The following PLCXD3 variants were observed in gnomAD, a reference collection of about 807,000 sequenced individuals.
PLCXD3 encodes phosphatidylinositol specific phospholipase C X domain containing 3.
Under a neutral mutation model 25.5 loss-of-function variants are expected in PLCXD3, and 19 were observed. The ratio of observed to expected loss-of-function variants is 0.75; its 90% CI spans 0.52 to 1.09. PLCXD3 has a LOEUF of 1.09. Ranked by LOEUF, PLCXD3 falls within the 50% of genes least tolerant of loss-of-function variation. The pLI is 0.00. For missense variants in PLCXD3, 411 were observed against 388.1 expected (o/e 1.06, Z -0.50); for synonymous variants, 174 against 137.6 (o/e 1.26, Z -1.85).
intron 1 of PLCXD3, among the ~76,000 whole-genome samples, chr5:41,476,276 A>G (rs1439159806): frequency 6.6e-6 from 1 of 152,172 alleles, no homozygotes; most frequent in Non-Finnish European, 1.5e-5. Flanking sequence ...GAAAGGCTTT[A>G]TTACAAGGTT....
chr5:41,492,234 A>C (rs373991785), intron 1 of PLCXD3, among the ~76,000 whole-genome samples: 82 of 148,026 alleles, frequency 5.5e-4, no homozygotes, highest in African/African-American at 1.2e-3. Context: ...GTTGAAAATT[A>C]TTTTCTTTAA....
chr5:41,397,822 G>A (rs367772122), intron 1 of PLCXD3, among the ~76,000 whole-genome samples: 1 of 152,166 alleles, frequency 6.6e-6, no homozygotes, highest in Admixed American at 6.5e-5. Context: ...TAGAGTCAAC[G>A]GGGATTATTT....
intron 2 of PLCXD3, among the ~76,000 whole-genome samples, chr5:41,333,119 A>G (rs1743879327): frequency 6.6e-6 from 1 of 151,176 alleles, no homozygotes; most frequent in Non-Finnish European, 1.5e-5. Context: ...ATAAAATAAA[A>G]GACAAAAACA....
intron 2 of PLCXD3, among the ~76,000 whole-genome samples, chr5:41,379,030 G>A (rs528264809): frequency 1.3e-5 from 2 of 152,230 alleles, no homozygotes; most frequent in African/African-American, 4.8e-5. Flanking sequence ...TTTAATACAA[G>A]CAAGTGTTTT....
At chr5:41,485,317 CT>C (rs767504237) in intron 1 of PLCXD3, among the ~76,000 whole-genome samples, 23 of 152,280 alleles carry the variant, frequency 1.5e-4, no homozygotes, top group Non-Finnish European at 2.6e-4. Flanking sequence ...CCATAAGCCT[CT>C]CTTTATACAC....
At chr5:41,482,703 A>G (rs926546756) in intron 1 of PLCXD3, among the ~76,000 whole-genome samples, 2 of 152,226 alleles carry the variant, frequency 1.3e-5, no homozygotes, top group African/African-American at 2.4e-5. Flanking sequence ...GCAGAAAACT[A>G]CAGGGCAAAA....
At chr5:41,419,696 G>A (rs1746773619) in intron 1 of PLCXD3, among the ~76,000 whole-genome samples, 1 of 152,100 alleles carries the variant, frequency 6.6e-6, no homozygotes, top group South Asian at 2.1e-4. Context: ...GAATTAGATT[G>A]CCCCAGTCCC....
chr5:41,344,978 A>T (rs888127535), intron 2 of PLCXD3, among the ~76,000 whole-genome samples: 7 of 152,262 alleles, frequency 4.6e-5, no homozygotes, highest in African/African-American at 1.7e-4. Flanking sequence ...TGCAGATGTT[A>T]GCAAGTAATC....
intron 1 of PLCXD3, among the ~76,000 whole-genome samples, chr5:41,438,998 G>A (rs1561273833): frequency 6.6e-6 from 1 of 152,102 alleles, no homozygotes; most frequent in Admixed American, 6.6e-5. Flanking sequence ...TTTAATGTAG[G>A]AGAGCCCCGG....
chr5:41,473,556 C>T (rs1382885135), intron 1 of PLCXD3, among the ~76,000 whole-genome samples: 1 of 152,068 alleles, frequency 6.6e-6, no homozygotes, highest in Non-Finnish European at 1.5e-5. Context: ...CATTCTCCTG[C>T]CTCAGCCTCC....
At chr5:41,468,002 C>G (rs1748062962) in intron 1 of PLCXD3, among the ~76,000 whole-genome samples, 1 of 134,788 alleles carries the variant, frequency 7.4e-6, no homozygotes, top group Non-Finnish European at 1.5e-5. Flanking sequence ...ATACTACCAG[C>G]TTTATTCTTT....
chr5:41,390,765 C>G (rs318846), intron 1 of PLCXD3, among the ~76,000 whole-genome samples: 103,022 of 151,954 alleles, frequency 0.68, 35,799 homozygotes, highest in Middle Eastern at 0.83. Context: ...AATCAGATGA[C>G]CACTCATAGC....
At chr5:41,316,705 C>G (rs976362073) in intron 2 of PLCXD3, among the ~76,000 whole-genome samples, 2 of 152,108 alleles carry the variant, frequency 1.3e-5, no homozygotes, top group Non-Finnish European at 2.9e-5. Context: ...AAGGGAACAT[C>G]AGTGGTAGTC....
intron 2 of PLCXD3, among the ~76,000 whole-genome samples, chr5:41,330,121 A>G (rs1445099958): frequency 6.6e-6 from 1 of 152,112 alleles, no homozygotes; most frequent in Non-Finnish European, 1.5e-5. Context: ...TCCAAAATCA[A>G]TTCATTAATT....
Position 41,346,982 on chromosome 5 carries a change from G to A in PLCXD3, c.813-33212C>T, listed in dbSNP as rs542371232. Among the ~76,000 whole-genome samples, 124 of 152,302 alleles carry A rather than the reference G, an allele frequency of 8.1e-4. No homozygotes were observed. The Middle Eastern group carries it at 0.01, about 13-fold the overall frequency. ...TATCAACATCCACGTGCAGGTTTTT[G>A]TATGGATATAAGTTTGCAATTCATT... On this transcript the variant is annotated intron_variant, in intron 2 of 2. Coordinates refer to ENST00000377801, the MANE Select transcript of PLCXD3 (RefSeq NM_001005473.3).
At chr5:41,475,206 T>C (rs1039110805) in intron 1 of PLCXD3, among the ~76,000 whole-genome samples, 1 of 152,210 alleles carries the variant, frequency 6.6e-6, no homozygotes, top group African/African-American at 2.4e-5. Context: ...TTCCCCTTCT[T>C]TGTATCTCTA....
chr5:41,510,582 G>T lies in PLCXD3; in HGVS notation c.-56C>A. The T allele has an allele frequency of 7.4e-7, 1 of 1,348,990 alleles. No homozygotes were observed. Among genetic ancestry groups the T allele is most frequent in the Non-Finnish European group, 1.0e-6 (1 of 954,320 alleles). 83.6% of individuals were successfully genotyped at this position (1,348,990 alleles called of 1,614,324 possible). A position where few individuals can be genotyped will look rare whatever the true frequency, so the allele number is the denominator to read the frequency against. On this transcript the variant is annotated 5_prime_UTR_variant, in exon 1 of 3. Coordinates refer to ENST00000377801, the MANE Select transcript of PLCXD3 (RefSeq NM_001005473.3). ...CAGCACTCCTCGGGCAGGCTGGCAG[G>T]CTGCTGCCGCTAATCCAATGTTTGC...
chr5:41,327,190 G>A (rs895984119), intron 2 of PLCXD3, among the ~76,000 whole-genome samples: 1 of 152,142 alleles, frequency 6.6e-6, no homozygotes, highest in African/African-American at 2.4e-5. Flanking sequence ...AAGCATGTGG[G>A]CATGAAAGAG....
chr5:41,432,184 C>T (rs544967434), intron 1 of PLCXD3, among the ~76,000 whole-genome samples: 109 of 152,290 alleles, frequency 7.2e-4, no homozygotes, highest in Admixed American at 1.5e-3. Flanking sequence ...GGATAAATTA[C>T]GACTTAAAGA....
Sources: allele counts gnomAD v4.1 joint callset (sites outside exome capture counted in the v4.1 genomes callset), GRCh38; gene constraint gnomAD v4.1.1; transcripts MANE v1.5; gene names NCBI Gene and HGNC (gene_info 2026-07-23, HGNC 2026-07-21).